The following CREBBP variants were observed in gnomAD, a reference collection of about 807,000 sequenced individuals.
The protein encoded by CREBBP is CREB binding lysine acetyltransferase.
A neutral mutation model predicts 265.0 loss-of-function variants in CREBBP; 19 were observed. The ratio of observed to expected loss-of-function variants is 0.07; its 90% CI spans 0.05 to 0.11. CREBBP has a LOEUF of 0.11. Among genes scored for constraint, CREBBP ranks in the 10% least tolerant of loss-of-function variants. CREBBP has a pLI of 1.00. For synonymous variants in CREBBP, 1,457 were observed against 1,223.7 expected, an observed-to-expected ratio of 1.19 and a Z score of -3.98; for missense variants, 2,525 against 3,219.0, an observed-to-expected ratio of 0.78 and a Z score of 5.22.
At position 3,757,730 on chromosome 16, in the gene CREBBP, G is replaced by A. The variant is rs129995; in HGVS notation, c.3609+79C>T. ...ACATATGCACTCCCAGTATACAGGC[G>A]TGGTCTCATATTAGTATAACACCCC... On this transcript the variant is annotated intron_variant, in intron 18 of 30. Transcript: ENST00000262367. The A allele has an allele frequency of 7.2e-3, 11,434 of 1,582,918 alleles. 65 individuals carry two copies. Among genetic ancestry groups the A allele is most frequent in the Non-Finnish European group, 8.8e-3 (10,179 of 1,162,182 alleles).
At chr16:3,754,276 A>T (rs1162180631) in intron 19 of CREBBP, among the ~76,000 whole-genome samples, 1 of 152,240 alleles carries the variant, frequency 6.6e-6, no homozygotes, top group Non-Finnish European at 1.5e-5. Context: ...AGAAAAGGGA[A>T]CAGTCACCCC....
intron 1 of CREBBP, among the ~76,000 whole-genome samples, chr16:3,855,346 C>A (rs2054937302): frequency 6.6e-6 from 1 of 152,208 alleles, no homozygotes; most frequent in Non-Finnish European, 1.5e-5. Flanking sequence ...AGGCTCACTG[C>A]AACCTTTGCC....
rs2141204262 is a variant in CREBBP, at chr16:3,770,936, A to C, written c.2514T>G (p.Pro838=). The part of the protein sequence containing the change: ...ALPNPLNMLG[P]QASQLPCPPV... ...GAGGGCAAGGTAGCTGGCTGGCCTG[A>C]GGCCCCAGCATGTTGAGAGGGTTAG... is the stretch of plus-strand genomic sequence containing the variant. Residue 838 remains proline, a synonymous_variant, in exon 14 of 31, where the codon CCT becomes CCG. Coordinates refer to ENST00000262367, the MANE Select transcript of CREBBP (RefSeq NM_004380.3). 6.2e-7 allele frequency: 1 copy of C among 1,613,762 alleles called. No individual in the cohort carries two copies. Among genetic ancestry groups the C allele is most frequent in the Non-Finnish European group, 8.5e-7 (1 of 1,180,026 alleles).
At chr16:3,736,372 C>G (rs1309386858) in intron 27 of CREBBP, 169 bp from the exon 28 acceptor site, 3 of 783,820 alleles carry the variant, frequency 3.8e-6, no homozygotes, top group Non-Finnish European at 2.1e-6. Context: ...GCACCCCCCA[C>G]CACAGTGCTG....
chr16:3,841,893 G>A (rs1005237689), intron 2 of CREBBP, among the ~76,000 whole-genome samples: 13 of 152,148 alleles, frequency 8.5e-5, no homozygotes, highest in African/African-American at 2.7e-4. Flanking sequence ...TAAGTTGGAG[G>A]CAGAAATCTG....
rs759507620 is a variant in CREBBP, at chr16:3,864,171, G to A, written c.86-13162C>T. ...CAAGCAAACAGACATCCAGAGACCAGGTCCTTTGCCCCAAATGCTGTGAGA... is the reference window on the plus strand; with the variant it reads ...CAAGCAAACAGACATCCAGAGACCAAGTCCTTTGCCCCAAATGCTGTGAGA... On this transcript the variant is annotated intron_variant, in intron 1 of 30. Coordinates refer to ENST00000262367, the MANE Select transcript of CREBBP (RefSeq NM_004380.3). Among the ~76,000 whole-genome samples the A allele has an allele frequency of 3.0e-4, 45 of 152,308 alleles. 1 individual carries two copies. The highest frequency in any genetic ancestry group is 5.6e-4 in the Non-Finnish European group (38 of 68,038).
At chr16:3,737,963 T>C (rs1280322309) in intron 26 of CREBBP, among the ~76,000 whole-genome samples, 1 of 151,848 alleles carries the variant, frequency 6.6e-6, no homozygotes, top group Non-Finnish European at 1.5e-5. Flanking sequence ...AACTTTTGTA[T>C]TTTTAGTAGA....
intron 27 of CREBBP, 51 bp downstream of exon 27, chr16:3,736,599 T>C: frequency 6.2e-7 from 1 of 1,611,172 alleles, no homozygotes; most frequent in Non-Finnish European, 8.5e-7. Context: ...CACACAAATA[T>C]CCTCCCCTCA....
intron 18 of CREBBP, 137 bp from the exon 19 acceptor site, chr16:3,757,513 T>G: frequency 2.2e-6 from 2 of 908,954 alleles, no homozygotes; most frequent in Non-Finnish European, 1.7e-6. Flanking sequence ...TTTAGTAGCT[T>G]TAAAGACATT....
intron 2 of CREBBP, among the ~76,000 whole-genome samples, chr16:3,842,910 G>C (rs2054591813): frequency 6.9e-6 from 1 of 145,232 alleles, no homozygotes; most frequent in South Asian, 2.1e-4. Flanking sequence ...GGGTTGCAGT[G>C]AGCTGAGATC....
intron 13 of CREBBP, among the ~76,000 whole-genome samples, chr16:3,772,383 G>T (rs1365225136): frequency 1.3e-5 from 2 of 150,364 alleles, no homozygotes; most frequent in Non-Finnish European, 2.9e-5. Flanking sequence ...TACTGAAAGA[G>T]AACTGTTTCA....
chr16:3,780,399 G>T (rs2141244170), intron 8 of CREBBP, among the ~76,000 whole-genome samples: 1 of 152,280 alleles, frequency 6.6e-6, no homozygotes, highest in Non-Finnish European at 1.5e-5. Flanking sequence ...AGGCTCTTGA[G>T]CTAACCCCAG....
At chr16:3,849,444 T>TGTGTGTGTGTGTGTG (rs1567360586) in intron 2 of CREBBP, among the ~76,000 whole-genome samples, 17 of 24,880 alleles carry the variant, frequency 6.8e-4, no homozygotes, top group Non-Finnish European at 1.9e-3. Context: ...TGTGTGTGTG[T>TGTGTGTGTGTGTGTG]GTGTGTGTGT....
intron 9 of CREBBP, among the ~76,000 whole-genome samples, 155 bp downstream of exon 9, chr16:3,778,545 G>C (rs1398469312): frequency 6.6e-6 from 1 of 152,196 alleles, no homozygotes; most frequent in Non-Finnish European, 1.5e-5. Context: ...GGAGATTTGT[G>C]TCTTATCTGG....
intron 2 of CREBBP, among the ~76,000 whole-genome samples, chr16:3,814,578 G>A (rs1280430836): frequency 6.6e-6 from 1 of 152,036 alleles, no homozygotes; most frequent in Non-Finnish European, 1.5e-5. Flanking sequence ...ATTTCAAAGG[G>A]TAACCCAGTG....
intron 28 of CREBBP, among the ~76,000 whole-genome samples, chr16:3,734,445 G>C (rs1381442786): frequency 6.6e-6 from 1 of 152,138 alleles, no homozygotes; most frequent in Non-Finnish European, 1.5e-5. Flanking sequence ...GCCCCTATCA[G>C]GCCTGTCTTC....
chr16:3,831,205 A>T (rs757718787), intron 2 of CREBBP, among the ~76,000 whole-genome samples: 17 of 152,214 alleles, frequency 1.1e-4, no homozygotes, highest in Admixed American at 2.0e-4. Flanking sequence ...GGAGTTAAAA[A>T]CCAACAATAA....
rs56388626 is a variant in CREBBP, at chr16:3,850,636, C to T, written c.459G>A (p.Pro153=). The T allele has an allele frequency of 0.012, 18,906 of 1,614,200 alleles. 179 individuals are homozygous for T. Among genetic ancestry groups the T allele is most frequent in the Non-Finnish European group, 0.012 (14,281 of 1,180,044 alleles). Residue 153 remains proline, a synonymous_variant, in exon 2 of 31, where the codon CCG becomes CCA. Coordinates refer to ENST00000262367, the MANE Select transcript of CREBBP (RefSeq NM_004380.3). ...PTPAASQALN[P]QAQKQVGLAT... is the part of the protein sequence containing the mutation. ...CCAGCCCCACTTGCTTTTGTGCTTG[C>T]GGATTCAGTGCTTGGGAGGCAGCGG... is the stretch of plus-strand genomic sequence containing the variant.
chr16:3,856,124 C>T (rs1430249851), intron 1 of CREBBP, among the ~76,000 whole-genome samples: 1 of 152,080 alleles, frequency 6.6e-6, no homozygotes, highest in Non-Finnish European at 1.5e-5. Flanking sequence ...CAAATAACAA[C>T]ATTTTATTTT....
Sources: gnomAD v4.1 joint callset for allele counts (sites outside exome capture counted in the v4.1 genomes callset) on GRCh38, gnomAD v4.1.1 for gene constraint, MANE v1.5 for transcripts, NCBI Gene and HGNC (gene_info 2026-07-23, HGNC 2026-07-21) for gene names.